VIPR2: variants seen among roughly 807,000 people sequenced by gnomAD.
The protein encoded by VIPR2 is vasoactive intestinal polypeptide receptor 2.
A neutral mutation model predicts 58.0 loss-of-function variants in VIPR2; 48 were observed. The observed-to-expected ratio is 0.83, with a 90% confidence interval of 0.66 to 1.05. The LOEUF (loss-of-function observed/expected upper bound fraction) is 1.05. Ranked by LOEUF, VIPR2 falls within the 50% of genes least tolerant of loss-of-function variation. The probability of loss-of-function intolerance (pLI) is 0.00; values close to 1 mark genes in which losing one functional copy is unlikely to be tolerated. For missense variants in VIPR2, 534 were observed against 558.0 expected, an observed-to-expected ratio of 0.96 and a Z score of 0.43; for synonymous variants, 243 against 235.2, an observed-to-expected ratio of 1.03 and a Z score of -0.30.
At chr7:159,049,882 C>T (rs1854883021) in intron 5 of VIPR2, among the ~76,000 whole-genome samples, 1 of 152,144 alleles carries the variant, frequency 6.6e-6, no homozygotes, top group African/African-American at 2.4e-5. Context: ...CCCACATGGC[C>T]CTGACGGCCC....
rs1857870641 is a variant in VIPR2, at chr7:159,096,733, A to T, written c.357+7024T>A. 3 of 1,388,418 alleles carry T rather than the reference A, an allele frequency of 2.2e-6. No homozygotes were observed. The highest frequency in any genetic ancestry group is 2.8e-6 in the Non-Finnish European group (3 of 1,066,286). 86.0% of individuals were successfully genotyped at this position (1,388,418 alleles called of 1,614,324 possible). A position where few individuals can be genotyped will look rare whatever the true frequency, so the allele number is the denominator to read the frequency against. The stretch of plus-strand genomic sequence containing the variant: ...TAATCCTGTCTGGTTGTGCCAGGTG[A>T]CAGCTGAATGATTTCTGCCTGTGGC... On this transcript the variant is annotated intron_variant, in intron 4 of 12. Coordinates refer to ENST00000262178, the MANE Select transcript of VIPR2 (RefSeq NM_003382.5). This position sits in a 1 kb window ranked among gnomAD's most constrained non-coding sequence, Gnocchi z 5.5.
intron 2 of VIPR2, among the ~76,000 whole-genome samples, chr7:159,114,335 C>A (rs913295125): frequency 2.6e-5 from 4 of 151,680 alleles, no homozygotes; most frequent in Admixed American, 6.6e-5. Flanking sequence ...CTTGGAGACG[C>A]CTGTCTGTTT....
chr7:159,040,020 G>A (rs528784757), intron 6 of VIPR2, among the ~76,000 whole-genome samples: 6 of 152,360 alleles, frequency 3.9e-5, no homozygotes, highest in Non-Finnish European at 5.9e-5. Context: ...CAAAGAGGAC[G>A]CAGGAAGAGT....
intron 2 of VIPR2, among the ~76,000 whole-genome samples, chr7:159,135,955 T>C (rs1272402239): frequency 1.9e-4 from 29 of 152,166 alleles, no homozygotes; most frequent in Admixed American, 1.9e-3. Flanking sequence ...CTTCAGGGAA[T>C]CACAGGACTG....
chr7:159,111,497 T>C (rs1479995479), intron 2 of VIPR2, among the ~76,000 whole-genome samples: 1 of 151,938 alleles, frequency 6.6e-6, no homozygotes, highest in Non-Finnish European at 1.5e-5. Context: ...CTGGCCAACA[T>C]GGTGAAACCC....
chr7:159,063,911 GGAGGGAT>G (rs1855915961), intron 4 of VIPR2, among the ~76,000 whole-genome samples: 6 of 140,510 alleles, frequency 4.3e-5, no homozygotes, highest in African/African-American at 7.9e-5. Context: ...TGGGGTTCCT[GGAGGGAT>G]GTGGGGTCCT....
chr7:159,060,345 C>T (rs1165118418), intron 4 of VIPR2, among the ~76,000 whole-genome samples: 2 of 151,796 alleles, frequency 1.3e-5, no homozygotes, highest in African/African-American at 2.4e-5. Context: ...CCTCATCCAA[C>T]CACCATTCTC....
At chr7:159,112,129 AC>A (rs1484268411) in intron 2 of VIPR2, among the ~76,000 whole-genome samples, 26 of 152,388 alleles carry the variant, frequency 1.7e-4, no homozygotes, top group African/African-American at 6.3e-4. Flanking sequence ...CAACAGAGAT[AC>A]TAAATTCATA....
Position 159,031,719 on chromosome 7 carries a change from T to C in VIPR2, c.1143+109A>G. ...GAACTGTGGGGTCCCGGGCAGTAAC[T>C]CGAGCCCGCGGAAGACAGGCATGTG... On this transcript the variant is annotated intron_variant, in intron 12 of 12. Transcript: ENST00000262178. This position sits in a 1 kb window ranked among gnomAD's most constrained non-coding sequence, Gnocchi z 4.0. 1 of 1,585,668 alleles carries C rather than the reference T, an allele frequency of 6.3e-7. No homozygotes were observed. The highest frequency in any genetic ancestry group is 1.7e-5 in the Admixed American group (1 of 58,386).
intron 4 of VIPR2, among the ~76,000 whole-genome samples, chr7:159,071,284 C>G (rs1195613966): frequency 1.3e-5 from 2 of 152,194 alleles, no homozygotes; most frequent in Non-Finnish European, 2.9e-5. Context: ...CAGAGGGTCT[C>G]TTCCTAGGAG....
At chr7:159,038,570 GAAAT>G (rs1375757350) in intron 6 of VIPR2, among the ~76,000 whole-genome samples, 1 of 152,098 alleles carries the variant, frequency 6.6e-6, no homozygotes, top group African/African-American at 2.4e-5. Flanking sequence ...AAAGTAAAGT[GAAAT>G]AAATCAAGTT....
At chr7:159,076,614 T>C (rs548850423) in intron 4 of VIPR2, among the ~76,000 whole-genome samples, 1 of 152,198 alleles carries the variant, frequency 6.6e-6, no homozygotes, top group African/African-American at 2.4e-5. Context: ...CTTTATGACA[T>C]GTGTATTTTT....
chr7:159,114,458 G>A (rs1194477312), intron 2 of VIPR2, among the ~76,000 whole-genome samples: 1 of 152,174 alleles, frequency 6.6e-6, no homozygotes, highest in African/African-American at 2.4e-5. Context: ...GTTAAGCTCT[G>A]GTGGCAACCT....
At position 159,093,661 on chromosome 7, in the gene VIPR2, A is replaced by G. The variant is rs1857629828; in HGVS notation, c.357+10096T>C. Among the ~76,000 whole-genome samples, 1 of 152,056 alleles carries G rather than the reference A, an allele frequency of 6.6e-6. No individual in the cohort carries two copies. On this transcript the variant is annotated intron_variant, in intron 4 of 12. Coordinates refer to ENST00000262178, the MANE Select transcript of VIPR2 (RefSeq NM_003382.5). The surrounding 1 kb of genome is among the most constrained non-coding windows in gnomAD (Gnocchi z 6.7). ...GCCCACAGCGTCCCTGGGTCCAGAC[A>G]TGGAAGACCCCACAGCGTCCCTGGG... is the stretch of plus-strand genomic sequence containing the variant.
chr7:159,049,625 T>C (rs1350622466), intron 5 of VIPR2, among the ~76,000 whole-genome samples: 1 of 152,140 alleles, frequency 6.6e-6, no homozygotes, highest in African/African-American at 2.4e-5. Context: ...TGCATCCAAA[T>C]CCTTTTGGTC....
chr7:159,047,330 T>C (rs775329661), intron 5 of VIPR2, among the ~76,000 whole-genome samples: 1 of 152,242 alleles, frequency 6.6e-6, no homozygotes. Flanking sequence ...TTTGATGAGT[T>C]GTGTGGTTAA....
In VIPR2 at chr7:159,127,708, T is replaced by C. The variant is rs1446766128; in HGVS notation, c.151+14738A>G. Among the ~76,000 whole-genome samples, 1 of 152,228 alleles carries C rather than the reference T, an allele frequency of 6.6e-6. No individual in the cohort carries two copies. The highest frequency in any genetic ancestry group is 1.5e-5 in the Non-Finnish European group (1 of 68,036). ...CATCAGGAAAATGGATGTGTGCTAA[T>C]TCATCTGCAAAATACCTGACTCTTC... is the stretch of plus-strand genomic sequence containing the variant. On this transcript the variant is annotated intron_variant, in intron 2 of 12. Transcript: ENST00000262178. The surrounding 1 kb of genome is among the most constrained non-coding windows in gnomAD (Gnocchi z 4.6).
At chr7:159,117,709 G>A (rs1194527318) in intron 2 of VIPR2, among the ~76,000 whole-genome samples, 11 of 152,202 alleles carry the variant, frequency 7.2e-5, no homozygotes. Flanking sequence ...GCAGCTGAGG[G>A]TGGGTGGCCC....
intron 4 of VIPR2, among the ~76,000 whole-genome samples, chr7:159,091,274 G>A (rs1426356276): frequency 1.3e-5 from 2 of 152,230 alleles, no homozygotes; most frequent in Admixed American, 6.5e-5. Context: ...TGTCTCGACT[G>A]CTCGTGGGAA....
Sources: allele counts gnomAD v4.1 joint callset (sites outside exome capture counted in the v4.1 genomes callset), GRCh38; gene constraint gnomAD v4.1.1; non-coding constraint Gnocchi (gnomAD v3.1); transcripts MANE v1.5; gene names NCBI Gene and HGNC (gene_info 2026-07-23, HGNC 2026-07-21).